The following SND1 variants were observed in gnomAD, a reference collection of about 807,000 sequenced individuals.
SND1 encodes the protein staphylococcal nuclease domain-containing protein 1.
In SND1, 38 loss-of-function variants were observed where a neutral mutation model predicts 121.7. That is an observed-to-expected ratio of 0.31 (90% CI 0.24 to 0.41). The LOEUF is 0.41. Ranked by LOEUF, SND1 falls within the 10% of genes least tolerant of loss-of-function variation. The pLI, the probability that SND1 is intolerant of heterozygous loss-of-function variation, is 1.00. For missense variants in SND1, 868 were observed against 1,184.6 expected (o/e 0.73, Z 3.92); for synonymous variants, 401 against 447.4 (o/e 0.90, Z 1.31).
chr7:127,971,007 T>C (rs1197538905), intron 15 of SND1, among the ~76,000 whole-genome samples: 3 of 152,204 alleles, frequency 2.0e-5, no homozygotes, highest in Admixed American at 6.5e-5. Flanking sequence ...CCAGTGTGGA[T>C]TGCCATCACC....
chr7:128,032,859 G>A (rs994501467), intron 16 of SND1, among the ~76,000 whole-genome samples: 2 of 152,214 alleles, frequency 1.3e-5, no homozygotes, highest in Admixed American at 6.5e-5. Flanking sequence ...TCCTTAATGA[G>A]GGTTGCGGGG....
At chr7:128,022,105 G>A (rs1803362065) in intron 16 of SND1, among the ~76,000 whole-genome samples, 1 of 150,474 alleles carries the variant, frequency 6.6e-6, no homozygotes, top group South Asian at 2.1e-4. Context: ...TCGGGAAGCT[G>A]ACGCCAGGAG....
At chr7:127,994,184 A>G (rs955083134) in intron 16 of SND1, among the ~76,000 whole-genome samples, 3 of 152,152 alleles carry the variant, frequency 2.0e-5, no homozygotes, top group African/African-American at 2.4e-5. Flanking sequence ...TTGAGACCTC[A>G]TAATGCTGCT....
intron 6 of SND1, 75 bp downstream of exon 6, chr7:127,702,601 A>G: frequency 8.4e-7 from 1 of 1,188,702 alleles, no homozygotes; most frequent in Non-Finnish European, 1.3e-6. Context: ...CTACTTGGGG[A>G]CTTCGGATCT....
At chr7:127,836,568 A>C (rs758062235) in intron 11 of SND1, among the ~76,000 whole-genome samples, 7 of 152,208 alleles carry the variant, frequency 4.6e-5, no homozygotes, top group Non-Finnish European at 1.0e-4. Context: ...GTTGTTGCAG[A>C]GCTCAAAGAT....
At chr7:127,700,513 A>G (rs1796083039) in intron 4 of SND1, among the ~76,000 whole-genome samples, 1 of 152,226 alleles carries the variant, frequency 6.6e-6, no homozygotes, top group South Asian at 2.1e-4. Flanking sequence ...TAGCTCAGAT[A>G]TAACAGAGAA....
At chr7:127,675,617 T>C (rs928716021) in intron 1 of SND1, among the ~76,000 whole-genome samples, 7 of 152,162 alleles carry the variant, frequency 4.6e-5, no homozygotes, top group African/African-American at 4.8e-5. Flanking sequence ...GCAGTAACTT[T>C]CCCTTACCTT....
At chr7:128,045,452 G>T (rs1792929645) in intron 16 of SND1, among the ~76,000 whole-genome samples, 1 of 152,184 alleles carries the variant, frequency 6.6e-6, no homozygotes, top group Non-Finnish European at 1.5e-5. Flanking sequence ...TGGAATAAAG[G>T]ACAGAGATGG....
At chr7:127,670,171 G>A (rs1244814402) in intron 1 of SND1, among the ~76,000 whole-genome samples, 3 of 151,654 alleles carry the variant, frequency 2.0e-5, no homozygotes, top group South Asian at 2.1e-4. Flanking sequence ...TTGTATTTGT[G>A]GTAGAGACAG....
At chr7:127,990,656 G>A (rs899437769) in intron 15 of SND1, among the ~76,000 whole-genome samples, 1 of 152,162 alleles carries the variant, frequency 6.6e-6, no homozygotes, top group Admixed American at 6.5e-5. Context: ...AGGAGTTCCT[G>A]CTCATCTTAC....
intron 12 of SND1, among the ~76,000 whole-genome samples, chr7:127,872,623 C>T (rs1386972205): frequency 2.0e-5 from 2 of 100,884 alleles, no homozygotes; most frequent in Non-Finnish European, 3.7e-5. Flanking sequence ...TTTTTTAACA[C>T]ACACGCACAC....
Position 127,807,526 on chromosome 7 carries a change from A to G in SND1, c.1195A>G (p.Met399Val), listed in dbSNP as rs189206929. ...GCGTCCCCTGTATGACATTCCTTAC[A>G]TGTTTGAGGCCCGGGAATTTCTTCG... ...KLRPLYDIPY[M>V]FEAREFLRKK... The change falls in exon 11 of 24, where the codon ATG becomes GTG. Residue 399 changes from methionine (M) to valine (V), a missense_variant. By Grantham distance (21) the Met-to-Val change is conservative. This residue lies in a region of SND1 where 743 missense variants were observed against 1,071.3 expected (regional missense o/e 0.69). Coordinates refer to ENST00000354725, the MANE Select transcript of SND1 (RefSeq NM_014390.4). 1.5e-5 allele frequency: 24 copies of G among 1,614,108 alleles called. No homozygotes were observed. The Admixed American group carries it at 2.2e-4, about 15-fold the overall frequency.
intron 9 of SND1, among the ~76,000 whole-genome samples, chr7:127,710,908 C>T (rs1026470554): frequency 1.4e-4 from 21 of 152,290 alleles, no homozygotes; most frequent in African/African-American, 5.1e-4. Flanking sequence ...AAGTGATAAT[C>T]ACCACAGTGC....
chr7:127,656,082 G>A (rs961400224), intron 1 of SND1, among the ~76,000 whole-genome samples: 4 of 152,096 alleles, frequency 2.6e-5, no homozygotes, highest in Admixed American at 2.6e-4. Flanking sequence ...TTTATTCTAA[G>A]AACCATGATT....
intron 10 of SND1, among the ~76,000 whole-genome samples, chr7:127,791,228 G>A (rs773342493): frequency 8.7e-5 from 13 of 149,588 alleles, no homozygotes; most frequent in Non-Finnish European, 1.3e-4. Context: ...CACTCACTGG[G>A]CTTGCAACCT....
chr7:128,085,858 A>T lies in SND1; in HGVS notation c.2304+78A>T. On this transcript the variant is annotated intron_variant, in intron 20 of 23. Coordinates refer to ENST00000354725, the MANE Select transcript of SND1 (RefSeq NM_014390.4). This position sits in a 1 kb window ranked among gnomAD's most constrained non-coding sequence, Gnocchi z 4.4. Reference sequence around the variant, plus strand: ...GAGTCAAATCCATCTGATCTCTCCAAGGTCCCTCTGAGCTTACCAATAGAA... The same window carrying T: ...GAGTCAAATCCATCTGATCTCTCCATGGTCCCTCTGAGCTTACCAATAGAA... 1 of 1,239,994 alleles carries T rather than the reference A, an allele frequency of 8.1e-7. No homozygotes were observed. Among genetic ancestry groups the T allele is most frequent in the East Asian group, 2.3e-5 (1 of 43,172 alleles). The allele number at this position is 1,239,994 out of a possible 1,614,324, so 76.8% of individuals were successfully genotyped here. A position where few individuals can be genotyped will look rare whatever the true frequency, so the allele number is the denominator to read the frequency against.
chr7:127,811,321 T>C (rs1307494939), intron 11 of SND1, among the ~76,000 whole-genome samples: 1 of 152,324 alleles, frequency 6.6e-6, no homozygotes, highest in South Asian at 2.1e-4. Context: ...TCTGTCTTTC[T>C]TGAGGTATGT....
rs1796817908 is a variant in SND1 at position 127,738,352 on chromosome 7, T to G, written c.1152+16952T>G. ...CAGGCTGGAGTGCAATGGCGCGATC[T>G]CGGCTCACTGCAACCTCCCAGGTTC... On this transcript the variant is annotated intron_variant, in intron 10 of 23. Transcript: ENST00000354725. Among the ~76,000 whole-genome samples the G allele has an allele frequency of 2.0e-5, 3 of 149,594 alleles. No individual in the cohort carries two copies. In the Admixed American group the frequency reaches 2.0e-4, roughly 10 times the overall value.
intron 13 of SND1, among the ~76,000 whole-genome samples, chr7:127,895,043 G>C (rs1350608979): frequency 1.3e-5 from 2 of 151,708 alleles, no homozygotes; most frequent in East Asian, 1.9e-4. Flanking sequence ...GACACTGCTT[G>C]CCTTACATCT....
Sources: allele counts gnomAD v4.1 joint callset (sites outside exome capture counted in the v4.1 genomes callset), GRCh38; gene constraint gnomAD v4.1.1; regional missense constraint gnomAD v4.1.1; non-coding constraint Gnocchi (gnomAD v3.1); transcripts MANE v1.5; gene names NCBI Gene and HGNC (gene_info 2026-07-23, HGNC 2026-07-21).